CREG2: variants seen among roughly 807,000 people sequenced by gnomAD.
CREG2 encodes cellular repressor of E1A stimulated genes 2.
Under a neutral mutation model 26.2 loss-of-function variants are expected in CREG2, and 24 were observed. That is an observed-to-expected ratio of 0.92 (90% CI 0.66 to 1.29). The LOEUF (loss-of-function observed/expected upper bound fraction) is 1.29. CREG2 is among the 50% of genes most tolerant of loss of function. The pLI is 0.00. For missense variants in CREG2, 366 were observed against 398.6 expected (o/e 0.92, Z 0.70); for synonymous variants, 174 against 169.2 (o/e 1.03, Z -0.22).
At chr2:101,375,871 C>G (rs1573314181) in intron 2 of CREG2, 1 of 154,486 alleles carries the variant, frequency 6.5e-6, no homozygotes, top group African/African-American at 2.4e-5. Context: ...GCGGCTGCAC[C>G]CCTTCCTCTC....
chr2:101,381,096 C>T (rs561122242), intron 2 of CREG2, among the ~76,000 whole-genome samples: 16 of 152,280 alleles, frequency 1.1e-4, no homozygotes, highest in South Asian at 4.1e-4. Flanking sequence ...TGAATCTCCC[C>T]GCTCCTGTGG....
intron 2 of CREG2, among the ~76,000 whole-genome samples, chr2:101,374,331 C>T (rs914388490): frequency 2.6e-5 from 4 of 152,188 alleles, no homozygotes; most frequent in African/African-American, 4.8e-5. Context: ...GAGCTGAGAT[C>T]GCACCATTGC....
Position 101,387,163 on chromosome 2 carries a change from C to A in CREG2, c.295G>T (p.Ala99Ser), listed in dbSNP as rs1016591017. ...CGGTAGGAGAACATCCCGGGTGGCG[C>A]GGGGGGCGGCCTGGCCCGGGCGGCG... ...AGAARARPPP[A>S]PPGMFSYRRE... The change falls in exon 1 of 4, where the codon GCG (alanine) becomes TCG (serine). Residue 99 changes from alanine to serine, a missense_variant. Transcript: ENST00000324768. This position sits in a 1 kb window ranked among gnomAD's most constrained non-coding sequence, Gnocchi z 4.7. The A allele has an allele frequency of 3.0e-5, 38 of 1,273,520 alleles. No homozygotes were observed. In the Admixed American group the frequency reaches 3.3e-4, roughly 11 times the overall value. The allele number at this position is 1,273,520 out of a possible 1,614,324, so 78.9% of individuals were successfully genotyped here.
At chr2:101,367,034 G>A (rs1684627819) in intron 2 of CREG2, among the ~76,000 whole-genome samples, 1 of 152,104 alleles carries the variant, frequency 6.6e-6, no homozygotes, top group African/African-American at 2.4e-5. Context: ...GGGGGCTGGA[G>A]GAGGGTTCCT....
At chr2:101,367,221 G>C (rs1684630740) in intron 2 of CREG2, among the ~76,000 whole-genome samples, 1 of 152,188 alleles carries the variant, frequency 6.6e-6, no homozygotes, top group Non-Finnish European at 1.5e-5. Flanking sequence ...AAGGGGGGAT[G>C]TGGACCCACT....
chr2:101,379,940 G>C (rs1461353333), intron 2 of CREG2, among the ~76,000 whole-genome samples: 1 of 152,056 alleles, frequency 6.6e-6, no homozygotes, highest in Non-Finnish European at 1.5e-5. Flanking sequence ...TCGCTCTTTT[G>C]AATAGAGAAG....
intron 2 of CREG2, among the ~76,000 whole-genome samples, chr2:101,361,879 G>A (rs1304234504): frequency 6.6e-6 from 1 of 152,114 alleles, no homozygotes; most frequent in Non-Finnish European, 1.5e-5. Context: ...CCTGATGCAT[G>A]CTGTCAATTG....
At position 101,349,269 on chromosome 2, in the gene CREG2, C is replaced by T. The variant is rs765627468; in HGVS notation, c.*1654G>A. The T allele has an allele frequency of 3.3e-5, 5 of 152,638 alleles. No individual in the cohort carries two copies. The highest frequency in any genetic ancestry group is 2.1e-4 in the South Asian group (1 of 4,818). The allele number at this position is 152,638 out of a possible 1,614,324, so 9.5% of individuals were successfully genotyped here. A position where few individuals can be genotyped will look rare whatever the true frequency, so the allele number is the denominator to read the frequency against. ...AAAATTCCCTCAGAAGTACCTTATT[C>T]TTATATATTAGAAATCACTACTGTT... On this transcript the variant is annotated 3_prime_UTR_variant, in exon 4 of 4. Coordinates refer to ENST00000324768, the MANE Select transcript of CREG2 (RefSeq NM_153836.4).
intron 2 of CREG2, among the ~76,000 whole-genome samples, chr2:101,368,360 C>T (rs1205347191): frequency 6.6e-6 from 1 of 151,606 alleles, no homozygotes; most frequent in African/African-American, 2.4e-5. Flanking sequence ...AGCACGAAGT[C>T]TGTGGCAATT....
At chr2:101,355,709 G>T (rs2104470539) in intron 2 of CREG2, among the ~76,000 whole-genome samples, 1 of 151,622 alleles carries the variant, frequency 6.6e-6, no homozygotes, top group Non-Finnish European at 1.5e-5. Flanking sequence ...GTGGGGTAGG[G>T]TGGGGTTCGG....
chr2:101,361,842 C>A (rs1210400139), intron 2 of CREG2, among the ~76,000 whole-genome samples: 3 of 152,160 alleles, frequency 2.0e-5, no homozygotes, highest in Non-Finnish European at 4.4e-5. Flanking sequence ...ACCAGCTAGG[C>A]AAGAGGGCCC....
chr2:101,349,195 C>G lies in CREG2; in HGVS notation c.*1728G>C, dbSNP rs1684342653. The G allele has an allele frequency of 6.6e-6, 1 of 152,550 alleles. No individual in the cohort carries two copies. The highest frequency in any genetic ancestry group is 6.6e-5 in the Admixed American group (1 of 15,262). The allele number at this position is 152,550 out of a possible 1,614,324, so 9.4% of individuals were successfully genotyped here. ...TGTCATTTGTTCTTCCAGCTTTCTC[C>G]CCATTTTTCTAAATTGGGAGTAGCA... On this transcript the variant is annotated 3_prime_UTR_variant, in exon 4 of 4. Transcript: ENST00000324768.
rs1164857942 is a variant in CREG2, at chr2:101,350,986, C to T, written c.810G>A (p.Trp270Ter). 6.2e-7 allele frequency: 1 copy of T among 1,614,204 alleles called. No homozygotes were observed. The highest frequency in any genetic ancestry group is 1.7e-5 in the Admixed American group (1 of 60,026). ...TTGAAATACTGGATGCGCCTCCATACCATTTCTGAAGCCAGATATGTTCTA... is the reference window on the plus strand; with the variant it reads ...TTGAAATACTGGATGCGCCTCCATATCATTTCTGAAGCCAGATATGTTCTA... ...MRIEHIWLQK[W>*]YGGASSISRE... Residue 270 changes from tryptophan (W) to a stop codon, truncating the protein, a stop_gained, in exon 4 of 4, where the codon TGG (tryptophan) becomes TGA (stop). Coordinates refer to ENST00000324768, the MANE Select transcript of CREG2 (RefSeq NM_153836.4). LOFTEE classifies it high-confidence loss of function.
chr2:101,358,752 G>GCAAGTTTTAGAGCAGGAGTGAGAGTTTAT (rs1573304044), intron 2 of CREG2, among the ~76,000 whole-genome samples: 13 of 108,418 alleles, frequency 1.2e-4, no homozygotes, highest in Admixed American at 1.9e-4. Context: ...GAGAACTGAG[G>GCAAGTTTTAGAGCAGGAGTGAGAGTTTAT]TGGCCGGGCG....
Position 101,345,715 on chromosome 2 carries a change from G to A in CREG2, c.*5208C>T, listed in dbSNP as rs995517784. The A allele has an allele frequency of 6.6e-6, 1 of 151,970 alleles. No homozygotes were observed. The highest frequency in any genetic ancestry group is 2.4e-5 in the African/African-American group (1 of 41,356). The allele number at this position is 151,970 out of a possible 1,614,324, so 9.4% of individuals were successfully genotyped here. ...CAAATTGTACAATAATTGACTTTCT[G>A]TTATAGCAATCAAATAAGCATCAAT... On this transcript the variant is annotated 3_prime_UTR_variant, in exon 4 of 4. Transcript: ENST00000324768.
chr2:101,362,418 A>G (rs1684556322), intron 2 of CREG2, among the ~76,000 whole-genome samples: 1 of 152,106 alleles, frequency 6.6e-6, no homozygotes, highest in South Asian at 2.1e-4. Context: ...AGTCCATATG[A>G]GCTTACTTTT....
At chr2:101,383,769 T>C (rs1573319765) in intron 1 of CREG2, 67 bp from the exon 2 acceptor site, 1 of 1,458,602 alleles carries the variant, frequency 6.9e-7, no homozygotes, top group East Asian at 2.3e-5. Flanking sequence ...GGAGCTTAGC[T>C]TGTGCCTCTG....
chr2:101,378,921 G>A (rs1268647154), intron 2 of CREG2, among the ~76,000 whole-genome samples: 3 of 151,976 alleles, frequency 2.0e-5, no homozygotes, highest in Non-Finnish European at 4.4e-5. Flanking sequence ...CAGGAGAATC[G>A]CTTGAACCTG....
intron 2 of CREG2, among the ~76,000 whole-genome samples, chr2:101,363,664 T>G (rs1335702316): frequency 6.6e-6 from 1 of 152,146 alleles, no homozygotes; most frequent in African/African-American, 2.4e-5. Context: ...ATTAAAATAT[T>G]TGTTTAACCT....
Sources: allele counts gnomAD v4.1 joint callset (sites outside exome capture counted in the v4.1 genomes callset), GRCh38; gene constraint gnomAD v4.1.1; non-coding constraint Gnocchi (gnomAD v3.1); transcripts MANE v1.5; gene names NCBI Gene and HGNC (gene_info 2026-07-23, HGNC 2026-07-21).